Variants in MINK1 observed in about 807,000 individuals in gnomAD.
The protein encoded by MINK1 is misshapen like kinase 1.
A neutral mutation model predicts 178.4 loss-of-function variants in MINK1; 46 were observed. The observed-to-expected ratio is 0.26, with a 90% confidence interval of 0.20 to 0.33. The LOEUF is 0.33. MINK1 is among the 10% of genes least tolerant of loss of function. The pLI, the probability that MINK1 is intolerant of heterozygous loss-of-function variation, is 1.00. For synonymous variants in MINK1, 797 were observed against 709.7 expected, an observed-to-expected ratio of 1.12 and a Z score of -1.96; for missense variants, 1,366 against 1,814.9, an observed-to-expected ratio of 0.75 and a Z score of 4.49.
intron 1 of MINK1, among the ~76,000 whole-genome samples, chr17:4,846,475 G>A (rs568128596): frequency 1.2e-3 from 176 of 152,142 alleles, no homozygotes; most frequent in Non-Finnish European, 1.5e-3. Context: ...TGTTTTCCTT[G>A]GACTGAGTCT....
chr17:4,854,775 C>T (rs1912753241), intron 1 of MINK1: 4 of 494,700 alleles, frequency 8.1e-6, no homozygotes, highest in South Asian at 3.0e-5. Context: ...AGACAGAGGA[C>T]AAGTACTTCA....
intron 1 of MINK1, among the ~76,000 whole-genome samples, chr17:4,870,086 T>A (rs996417905): frequency 6.6e-5 from 10 of 151,702 alleles, no homozygotes; most frequent in Admixed American, 4.6e-4. Flanking sequence ...TTTTTTTTTT[T>A]ATTTTGTAGT....
rs934063652 is a variant in MINK1 at position 4,885,419 on chromosome 17, G to A, written c.509-64G>A. 1.3e-6 allele frequency: 2 copies of A among 1,591,126 alleles called. No individual in the cohort carries two copies. The highest frequency in any genetic ancestry group is 2.7e-5 in the African/African-American group (2 of 74,710). Reference sequence around the variant, plus strand: ...CAGGCAAGTCCTGTGTGTGCACGCAGGGATGTGAGGCAAGGGAGCAGAGGT... The same window carrying A: ...CAGGCAAGTCCTGTGTGTGCACGCAAGGATGTGAGGCAAGGGAGCAGAGGT... On this transcript the variant is annotated intron_variant, in intron 6 of 31. Transcript: ENST00000355280. This position sits in a 1 kb window ranked among gnomAD's most constrained non-coding sequence, Gnocchi z 5.0.
intron 1 of MINK1, among the ~76,000 whole-genome samples, chr17:4,845,813 G>A (rs1910933678): frequency 6.6e-6 from 1 of 152,248 alleles, no homozygotes; most frequent in Non-Finnish European, 1.5e-5. Context: ...GCTAATTTTT[G>A]TATTTTTAGT....
At chr17:4,853,395 T>A (rs1287396100) in intron 1 of MINK1, among the ~76,000 whole-genome samples, 1 of 58,364 alleles carries the variant, frequency 1.7e-5, no homozygotes, top group Non-Finnish European at 3.1e-5. Flanking sequence ...AAGAGTGTGG[T>A]TGGGGGAGTG....
chr17:4,894,113 C>T lies in MINK1; in HGVS notation c.2670+20C>T, dbSNP rs1307511374. On this transcript the variant is annotated intron_variant, in intron 22 of 31. Coordinates refer to ENST00000355280, the MANE Select transcript of MINK1 (RefSeq NM_153827.5). This position sits in a 1 kb window ranked among gnomAD's most constrained non-coding sequence, Gnocchi z 4.1. Reference sequence around the variant, plus strand: ...CAGCGCGTGAGTGAGCCTCTGCTCCCTCCCCTGTACCTGTGTGTGCCCTCC... The same window carrying T: ...CAGCGCGTGAGTGAGCCTCTGCTCCTTCCCCTGTACCTGTGTGTGCCCTCC... 21 of 1,603,006 alleles carry T rather than the reference C, an allele frequency of 1.3e-5. 2 individuals carry two copies. The Middle Eastern group carries it at 6.7e-4, about 51-fold the overall frequency.
chr17:4,843,073 A>G (rs1158748207), intron 1 of MINK1, among the ~76,000 whole-genome samples: 2 of 152,124 alleles, frequency 1.3e-5, no homozygotes, highest in African/African-American at 4.8e-5. Flanking sequence ...TAAGGTTTGG[A>G]GGAGGTGGAG....
intron 1 of MINK1, chr17:4,854,732 T>C: frequency 2.0e-6 from 1 of 488,924 alleles, no homozygotes; most frequent in Non-Finnish European, 4.1e-6. Flanking sequence ...TTCATTCCCA[T>C]AAAAACACTT....
chr17:4,866,268 C>G lies in MINK1; in HGVS notation c.58-12049C>G, dbSNP rs148487419. Reference sequence around the variant, plus strand: ...GGATCACGAGGTCAGGAGATTAAGACCATCCTGGCCAACATGGTGAAACCC... The same window carrying G: ...GGATCACGAGGTCAGGAGATTAAGAGCATCCTGGCCAACATGGTGAAACCC... On this transcript the variant is annotated intron_variant, in intron 1 of 31. Transcript: ENST00000355280. Among the ~76,000 whole-genome samples the G allele has an allele frequency of 1.6e-4, 24 of 152,078 alleles. No individual in the cohort carries two copies. In the East Asian group the frequency reaches 4.5e-3, roughly 28 times the overall value.
intron 12 of MINK1, among the ~76,000 whole-genome samples, chr17:4,888,700 T>C (rs1968463871): frequency 6.7e-6 from 1 of 148,790 alleles, no homozygotes; most frequent in Admixed American, 6.7e-5. Context: ...CTTTTTTTTT[T>C]TTTTTTTTTT....
At chr17:4,860,618 C>T (rs1330483489) in intron 1 of MINK1, 9 of 467,246 alleles carry the variant, frequency 1.9e-5, no homozygotes, top group East Asian at 6.5e-5. Flanking sequence ...AGAGCTGCAA[C>T]GGGCTCACAT....
chr17:4,880,932 C>CCT (rs1967644347), intron 2 of MINK1, 52 bp from the exon 3 acceptor site: 3 of 1,434,730 alleles, frequency 2.1e-6, no homozygotes, highest in Non-Finnish European at 2.7e-6. Flanking sequence ...AGAGTCAAGC[C>CCT]CTCTCTACGC....
chr17:4,897,334 C>A lies in MINK1; in HGVS notation c.*47C>A. ...TCCCACACTGGACCCAGCTCTCCCC[C>A]TGCAGCCAGGCTTCCCGGGCCGCCC... is the stretch of plus-strand genomic sequence containing the variant. On this transcript the variant is annotated 3_prime_UTR_variant, in exon 32 of 32. Coordinates refer to ENST00000355280, the MANE Select transcript of MINK1 (RefSeq NM_153827.5). 6.3e-7 allele frequency: 1 copy of A among 1,577,786 alleles called. No homozygotes were observed. The highest frequency in any genetic ancestry group is 1.7e-5 in the Admixed American group (1 of 58,844).
intron 1 of MINK1, among the ~76,000 whole-genome samples, chr17:4,876,043 C>T (rs1967155389): frequency 6.6e-6 from 1 of 152,096 alleles, no homozygotes; most frequent in East Asian, 1.9e-4. Flanking sequence ...GATCTGCCCG[C>T]TTCAGCCTCT....
In MINK1 at chr17:4,881,128, T is replaced by C; in HGVS notation, c.181-4T>C. The C allele has an allele frequency of 3.3e-6, 5 of 1,536,914 alleles. No homozygotes were observed. In the South Asian group the frequency reaches 5.9e-5, roughly 18 times the overall value. On this transcript the variant is annotated splice_polypyrimidine_tract_variant and splice_region_variant and intron_variant, in intron 3 of 31. Transcript: ENST00000355280. ...TCAGGGCTCAGCTCCTCCCATCTGC[T>C]TAGGACGAGGAGGAAGAGATCAAAC...
At position 4,896,076 on chromosome 17, in the gene MINK1, A is replaced by G; in HGVS notation, c.3438A>G (p.Lys1146=). The G allele has an allele frequency of 6.2e-7, 1 of 1,607,538 alleles. No homozygotes were observed. Among genetic ancestry groups the G allele is most frequent in the Non-Finnish European group, 8.5e-7 (1 of 1,177,086 alleles). Residue 1146 remains lysine (K), a synonymous_variant, in exon 28 of 32, where the codon AAA becomes AAG. Transcript: ENST00000355280. The surrounding 1 kb of genome is among the most constrained non-coding windows in gnomAD (Gnocchi z 4.6). ...TGGAGGTGTATGCCTGGGCCCCCAA[A>G]CCCTACCACAAATTCATGGCCTTCA... ...SSVEVYAWAP[K]PYHKFMAFKS...
intron 1 of MINK1, among the ~76,000 whole-genome samples, chr17:4,854,349 A>G (rs1912676124): frequency 6.6e-6 from 1 of 152,218 alleles, no homozygotes; most frequent in African/African-American, 2.4e-5. Flanking sequence ...TCCAGCCACC[A>G]GACCAGGGCC....
Position 4,891,605 on chromosome 17 carries a change from C to T in MINK1, c.1890C>T (p.Pro630=). Residue 630 remains proline (P), a synonymous_variant, in exon 16 of 32, where the codon CCC becomes CCT. Transcript: ENST00000355280. The part of the protein sequence containing the change: ...DPAIPAPTAT[P]SARGAVIRQN... ...CCATCCCCGCACCCACTGCCACGCC[C>T]AGTGCCCGAGGAGCTGTCATCCGCC... 1 of 1,603,848 alleles carries T rather than the reference C, an allele frequency of 6.2e-7. No individual in the cohort carries two copies. Among genetic ancestry groups the T allele is most frequent in the Non-Finnish European group, 8.5e-7 (1 of 1,175,818 alleles).
In MINK1 at chr17:4,881,407, G is replaced by T. The variant is rs1597511144; in HGVS notation, c.306+150G>T. 14 of 843,466 alleles carry T rather than the reference G, an allele frequency of 1.7e-5. No individual in the cohort carries two copies. The South Asian group carries it at 2.4e-4, about 15-fold the overall frequency. The allele number at this position is 843,466 out of a possible 1,614,324, so 52.2% of individuals were successfully genotyped here. The stretch of plus-strand genomic sequence containing the variant: ...CTCCCCTGTCCCTGGACCCAGAGGG[G>T]CCTCCTGCCTCATGGATGGCCCCGC... On this transcript the variant is annotated intron_variant, in intron 4 of 31. Transcript: ENST00000355280.
Sources: gnomAD v4.1 joint callset for allele counts (sites outside exome capture counted in the v4.1 genomes callset) on GRCh38, gnomAD v4.1.1 for gene constraint, Gnocchi (gnomAD v3.1) non-coding constraint, MANE v1.5 for transcripts, NCBI Gene and HGNC (gene_info 2026-07-23, HGNC 2026-07-21) for gene names.